Variants in KCNQ5 observed in about 807,000 individuals in gnomAD.
The protein encoded by KCNQ5 is potassium voltage-gated channel subfamily KQT member 5.
A neutral mutation model predicts 98.2 loss-of-function variants in KCNQ5; 30 were observed. The ratio of observed to expected loss-of-function variants is 0.31; its 90% confidence interval spans 0.23 to 0.41. KCNQ5 has a LOEUF of 0.41. Ranked by LOEUF, KCNQ5 falls within the 10% of genes least tolerant of loss-of-function variation. KCNQ5 has a pLI of 1.00. For synonymous variants in KCNQ5, 458 were observed against 449.4 expected, an observed-to-expected ratio of 1.02 and a Z score of -0.24; for missense variants, 835 against 1,182.5, an observed-to-expected ratio of 0.71 and a Z score of 4.31.
intron 1 of KCNQ5, chr6:72,678,551 A>T (rs1014581486): frequency 2.0e-5 from 3 of 152,076 alleles, no homozygotes; most frequent in African/African-American, 7.2e-5. Context: ...AAAAAGTAAC[A>T]CTGGTCATAT....
rs16882940 is a variant in KCNQ5, at chr6:72,856,687, A to G, written c.399-147221A>G. ...TAAATCTGAATATATGGTACTGAAT[A>G]CGGCTAATAATTCTTTAAAAAATTA... On this transcript the variant is annotated intron_variant, in intron 1 of 13. Transcript: ENST00000370398. Among the ~76,000 whole-genome samples, 713 of 152,342 alleles carry G rather than the reference A, an allele frequency of 4.7e-3. 11 individuals are homozygous for G. Among genetic ancestry groups the G allele is most frequent in the East Asian group, 0.025 (131 of 5,180 alleles).
At chr6:72,977,593 C>A (rs1768216734) in intron 1 of KCNQ5, among the ~76,000 whole-genome samples, 1 of 152,076 alleles carries the variant, frequency 6.6e-6, no homozygotes. Flanking sequence ...CCAAATGCAC[C>A]ATTGCTTTGG....
intron 1 of KCNQ5, among the ~76,000 whole-genome samples, chr6:72,719,926 A>C (rs1769857090): frequency 6.6e-6 from 1 of 152,196 alleles, no homozygotes; most frequent in Non-Finnish European, 1.5e-5. Flanking sequence ...TCATCGAATA[A>C]TTTGGCAAAA....
chr6:73,070,375 G>C (rs1773247983), intron 3 of KCNQ5, among the ~76,000 whole-genome samples: 1 of 152,092 alleles, frequency 6.6e-6, no homozygotes, highest in Admixed American at 6.6e-5. Context: ...TAAAAAGTAA[G>C]ATTAGTTCTC....
chr6:72,824,440 GCTCATCAGTTTT>G (rs879323315), intron 1 of KCNQ5, among the ~76,000 whole-genome samples: 2 of 152,016 alleles, frequency 1.3e-5, no homozygotes, highest in Admixed American at 1.3e-4. Flanking sequence ...AAGAACTGAT[GCTCATCAGTTTT>G]CTCATCAGTT....
At chr6:72,783,311 T>C (rs1238858124) in intron 1 of KCNQ5, among the ~76,000 whole-genome samples, 2 of 152,164 alleles carry the variant, frequency 1.3e-5, no homozygotes, top group African/African-American at 4.8e-5. Flanking sequence ...TTCAGAGGCT[T>C]CACAATAAGA....
At chr6:72,918,161 A>T (rs1780242898) in intron 1 of KCNQ5, among the ~76,000 whole-genome samples, 1 of 152,156 alleles carries the variant, frequency 6.6e-6, no homozygotes, top group African/African-American at 2.4e-5. Context: ...ACTATGCCCC[A>T]TAAAAACGTG....
chr6:72,716,815 G>A (rs1268286943), intron 1 of KCNQ5, among the ~76,000 whole-genome samples: 1 of 152,186 alleles, frequency 6.6e-6, no homozygotes, highest in Non-Finnish European at 1.5e-5. Flanking sequence ...TTGCAGGGAT[G>A]TGTATTCATA....
At chr6:72,856,747 AATTG>A (rs1245939451) in intron 1 of KCNQ5, among the ~76,000 whole-genome samples, 1 of 152,208 alleles carries the variant, frequency 6.6e-6, no homozygotes, top group African/African-American at 2.4e-5. Flanking sequence ...CATTAATTAA[AATTG>A]ATTGATGAAA....
intron 1 of KCNQ5, among the ~76,000 whole-genome samples, chr6:72,941,300 TCTTCCTTCCTTCCTTCCTTCTTTCCTTC>T (rs1562081956): frequency 6.8e-6 from 1 of 147,266 alleles, no homozygotes; most frequent in Admixed American, 6.8e-5. Flanking sequence ...GCCCTGCTCA[TCTTCCTTCCTTCCTTCCTTCTTTCCTTC>T]CTTCCTTCCT....
chr6:72,650,270 T>C (rs1401715169), intron 1 of KCNQ5, among the ~76,000 whole-genome samples: 1 of 152,150 alleles, frequency 6.6e-6, no homozygotes, highest in Non-Finnish European at 1.5e-5. Flanking sequence ...AAACAGTGAC[T>C]CATAGACATG....
chr6:73,051,705 CAA>C (rs201199934), intron 3 of KCNQ5, among the ~76,000 whole-genome samples: 2 of 97,172 alleles, frequency 2.1e-5, no homozygotes, highest in African/African-American at 8.3e-5. Context: ...AAGATAGAGG[CAA>C]AAAAAAAAAA....
chr6:72,862,421 G>A (rs1170736491), intron 1 of KCNQ5, among the ~76,000 whole-genome samples: 1 of 152,154 alleles, frequency 6.6e-6, no homozygotes, highest in Non-Finnish European at 1.5e-5. Context: ...TATGATTCCC[G>A]TAGTGTTCCA....
At chr6:72,849,815 T>C (rs1327720726) in intron 1 of KCNQ5, among the ~76,000 whole-genome samples, 1 of 152,178 alleles carries the variant, frequency 6.6e-6, no homozygotes, top group Non-Finnish European at 1.5e-5. Flanking sequence ...GTCTTGACTC[T>C]CTACTCATGA....
At chr6:73,149,823 A>G (rs60178691) in intron 10 of KCNQ5, among the ~76,000 whole-genome samples, 8,403 of 133,188 alleles carry the variant, frequency 0.063, 1,054 homozygotes, top group African/African-American at 0.24. Flanking sequence ...AGAGAGAGAG[A>G]GAGGGAGGGA....
At chr6:72,773,108 C>T (rs949982375) in intron 1 of KCNQ5, among the ~76,000 whole-genome samples, 12 of 151,978 alleles carry the variant, frequency 7.9e-5, no homozygotes, top group African/African-American at 2.9e-4. Flanking sequence ...CCCAGCAATC[C>T]CATTACTGGG....
chr6:73,023,439 C>T (rs1199176325), intron 2 of KCNQ5, among the ~76,000 whole-genome samples: 1 of 151,684 alleles, frequency 6.6e-6, no homozygotes, highest in Non-Finnish European at 1.5e-5. Flanking sequence ...GAGATCATGG[C>T]TATGTAGAGA....
intron 1 of KCNQ5, among the ~76,000 whole-genome samples, chr6:72,762,697 G>A (rs1772349139): frequency 6.6e-6 from 1 of 152,092 alleles, no homozygotes; most frequent in Non-Finnish European, 1.5e-5. Flanking sequence ...TTGTCCAGAT[G>A]AGAAGAGGAT....
chr6:72,836,288 T>G (rs1037128697), intron 1 of KCNQ5, among the ~76,000 whole-genome samples: 8 of 152,150 alleles, frequency 5.3e-5, no homozygotes, highest in Non-Finnish European at 1.5e-5. Flanking sequence ...ACAGAAATAT[T>G]TATTAGATGG....
Sources: allele counts gnomAD v4.1 joint callset (sites outside exome capture counted in the v4.1 genomes callset), GRCh38; gene constraint gnomAD v4.1.1; transcripts MANE v1.5; gene names NCBI Gene and HGNC (gene_info 2026-07-23, HGNC 2026-07-21).